The following SYT14 variants were observed in gnomAD, a reference collection of about 807,000 sequenced individuals.
SYT14 encodes the protein synaptotagmin-14.
Under a neutral mutation model 74.2 loss-of-function variants are expected in SYT14, and 32 were observed. That is an observed-to-expected ratio of 0.43 (90% CI 0.33 to 0.58). SYT14 has a LOEUF of 0.58. SYT14 is among the 20% of genes least tolerant of loss of function. The probability of loss-of-function intolerance (pLI) is 0.05; values close to 1 mark genes in which losing one functional copy is unlikely to be tolerated. For synonymous variants in SYT14, 298 were observed against 337.7 expected, an observed-to-expected ratio of 0.88 and a Z score of 1.29; for missense variants, 791 against 981.8, an observed-to-expected ratio of 0.81 and a Z score of 2.60.
At chr1:210,081,103 G>T (rs1391317040) in intron 5 of SYT14, among the ~76,000 whole-genome samples, 1 of 152,026 alleles carries the variant, frequency 6.6e-6, no homozygotes, top group East Asian at 1.9e-4. Flanking sequence ...TGGATTGAGG[G>T]GTATAAGTAT....
At chr1:210,133,048 A>ACCTT (rs1398826845) in intron 7 of SYT14, among the ~76,000 whole-genome samples, 1 of 152,186 alleles carries the variant, frequency 6.6e-6, no homozygotes, top group Non-Finnish European at 1.5e-5. Context: ...TGGTCAGAGG[A>ACCTT]CCTTTCTATA....
At chr1:210,087,974 T>A (rs1278911997) in intron 5 of SYT14, among the ~76,000 whole-genome samples, 2 of 152,220 alleles carry the variant, frequency 1.3e-5, no homozygotes, top group Non-Finnish European at 2.9e-5. Context: ...TTTGAAATGA[T>A]GTCCTCTTTT....
chr1:210,048,288 A>T (rs1201417532), intron 5 of SYT14, among the ~76,000 whole-genome samples: 1 of 152,130 alleles, frequency 6.6e-6, no homozygotes, highest in Non-Finnish European at 1.5e-5. Context: ...TTTGATCTGT[A>T]TGTGTCCCTG....
exon 10 of SYT14, chr1:210,171,128 G>T (rs2083521356): frequency 6.6e-6 from 1 of 151,914 alleles, no homozygotes; most frequent in Non-Finnish European, 1.5e-5. Flanking sequence ...TTTTTCATTA[G>T]CTAGTTGTAT....
rs374315054 is a variant in SYT14 at position 210,061,160 on chromosome 1, A to G, written c.1313-33162A>G. ...CTATCCCATTAATTTCATCCTTCAT[A>G]TTACTACACCTTGACATTAATGGCC... On this transcript the variant is annotated intron_variant, in intron 5 of 9. Transcript: ENST00000637265. 1.4e-4 allele frequency among the ~76,000 whole-genome samples: 22 copies of G among 151,858 alleles called. No homozygotes were observed. In the East Asian group the frequency reaches 3.5e-3, roughly 24 times the overall value.
chr1:210,163,135 A>G (rs1012398362), exon 10 of SYT14: 30 of 453,376 alleles, frequency 6.6e-5, no homozygotes, highest in Non-Finnish European at 1.2e-4. Context: ...TTATCTTCCT[A>G]ATAAAAAGAG....
At chr1:210,134,453 A>G (rs2082740241) in intron 7 of SYT14, among the ~76,000 whole-genome samples, 1 of 152,096 alleles carries the variant, frequency 6.6e-6, no homozygotes, top group Non-Finnish European at 1.5e-5. Context: ...TTATTTGAAC[A>G]TCTGTATCTA....
chr1:210,119,732 G>A (rs1183787752), intron 7 of SYT14, among the ~76,000 whole-genome samples: 2 of 152,072 alleles, frequency 1.3e-5, no homozygotes, highest in Non-Finnish European at 1.5e-5. Flanking sequence ...TTGTATTCCC[G>A]GAGCTCCTGT....
intron 1 of SYT14, among the ~76,000 whole-genome samples, chr1:209,939,316 T>C (rs2078691434): frequency 6.6e-6 from 1 of 152,274 alleles, no homozygotes; most frequent in Non-Finnish European, 1.5e-5. Context: ...ATTATTTCTC[T>C]ACATTGAAAG....
At chr1:210,106,576 T>A (rs995100739) in intron 7 of SYT14, among the ~76,000 whole-genome samples, 1 of 151,948 alleles carries the variant, frequency 6.6e-6, no homozygotes, top group Non-Finnish European at 1.5e-5. Flanking sequence ...CAAGGAGAAG[T>A]GCCAAGGAAA....
chr1:210,052,684 A>G (rs1332517845), intron 5 of SYT14, among the ~76,000 whole-genome samples: 1 of 147,898 alleles, frequency 6.8e-6, no homozygotes, highest in African/African-American at 2.5e-5. Flanking sequence ...AAAAAAAAAA[A>G]GCTCTCCAAG....
intron 2 of SYT14, among the ~76,000 whole-genome samples, chr1:210,006,491 A>G (rs2079990420): frequency 6.6e-6 from 1 of 151,946 alleles, no homozygotes; most frequent in Non-Finnish European, 1.5e-5. Flanking sequence ...TAAAACAGGT[A>G]TATCTTTTTC....
chr1:209,962,021 A>G (rs1178168682), intron 2 of SYT14, among the ~76,000 whole-genome samples: 2 of 152,132 alleles, frequency 1.3e-5, no homozygotes, highest in Non-Finnish European at 2.9e-5. Flanking sequence ...CAAATCCAGT[A>G]AAATAATTTT....
At chr1:210,041,874 CCT>C (rs1558148801) in intron 5 of SYT14, among the ~76,000 whole-genome samples, 2 of 151,890 alleles carry the variant, frequency 1.3e-5, no homozygotes, top group African/African-American at 4.8e-5. Context: ...GGAAAGCTGC[CCT>C]AGGTAGATAG....
chr1:210,060,597 G>A (rs2081190100), intron 5 of SYT14, among the ~76,000 whole-genome samples: 1 of 152,010 alleles, frequency 6.6e-6, no homozygotes, highest in Non-Finnish European at 1.5e-5. Context: ...CTTTAGAGAG[G>A]TTTAAAATAT....
chr1:210,016,134 C>T, exon 4 of SYT14: 2 of 1,232,116 alleles, frequency 1.6e-6, no homozygotes, highest in Non-Finnish European at 2.0e-6. Context: ...GACTCAGTTG[C>T]TGAGCAGGTA....
At chr1:210,107,070 T>C (rs915966265) in intron 7 of SYT14, among the ~76,000 whole-genome samples, 1 of 152,220 alleles carries the variant, frequency 6.6e-6, no homozygotes, top group Non-Finnish European at 1.5e-5. Context: ...CAAAATCCAA[T>C]AGAGCAGTCA....
rs535134590 is a variant in SYT14, at chr1:210,120,997, T to C, written c.2034+20536T>C. 2.0e-5 allele frequency among the ~76,000 whole-genome samples: 3 copies of C among 152,346 alleles called. No individual in the cohort carries two copies. The South Asian group carries it at 6.2e-4, about 32-fold the overall frequency. On this transcript the variant is annotated intron_variant, in intron 7 of 9. Transcript: ENST00000637265. The stretch of plus-strand genomic sequence containing the variant: ...ATTCAAGACCAAGTTTATGTTTGCA[T>C]TTGAGGGTTGGTATAAAGTTGGGAG...
chr1:210,029,380 C>G (rs570982555), intron 5 of SYT14, among the ~76,000 whole-genome samples: 42 of 152,164 alleles, frequency 2.8e-4, no homozygotes, highest in Non-Finnish European at 5.9e-5. Context: ...ATGTTTTCTT[C>G]TAAGAGTTTC....
Sources: gnomAD v4.1 joint callset for allele counts (sites outside exome capture counted in the v4.1 genomes callset) on GRCh38, gnomAD v4.1.1 for gene constraint, MANE v1.5 for transcripts, NCBI Gene and HGNC (gene_info 2026-07-23, HGNC 2026-07-21) for gene names.